GAS7: variants seen among roughly 807,000 people sequenced by gnomAD.
GAS7 encodes the protein growth arrest-specific protein 7.
A neutral mutation model predicts 71.1 loss-of-function variants in GAS7; 28 were observed. The observed-to-expected ratio is 0.39, with a 90% CI of 0.29 to 0.54. The LOEUF is 0.54. Among genes scored for constraint, GAS7 ranks in the 20% least tolerant of loss-of-function variants. The pLI, the probability that GAS7 is intolerant of heterozygous loss-of-function variation, is 0.62. For missense variants in GAS7, 436 were observed against 627.8 expected (o/e 0.69, Z 3.27); for synonymous variants, 258 against 245.8 (o/e 1.05, Z -0.46).
chr17:9,919,969 TTGTGTGTGTGTG>T lies in GAS7; in HGVS notation c.1139-276_1139-265del, dbSNP rs34994635. 0.034 allele frequency among the ~76,000 whole-genome samples: 4,423 copies of T among 131,478 alleles called. 234 individuals carry two copies. The highest frequency in any genetic ancestry group is 0.11 in the African/African-American group (3,931 of 34,338). 86.3% of individuals were successfully genotyped at this position (131,478 alleles called of 152,430 possible). On this transcript the variant is annotated intron_variant, in intron 11 of 13. Coordinates refer to ENST00000432992, the MANE Select transcript of GAS7 (RefSeq NM_201433.2). The surrounding 1 kb of genome is among the most constrained non-coding windows in gnomAD (Gnocchi z 5.0). ...AGGATTCAGGATGGTGGTTCTCATT[TTGTGTGTGTGTG>T]TGTGTGTGTGTGTGTGTGTGTGTGT...
chr17:10,126,246 G>A (rs2073945410), intron 1 of GAS7, among the ~76,000 whole-genome samples: 1 of 152,180 alleles, frequency 6.6e-6, no homozygotes, highest in Non-Finnish European at 1.5e-5. Flanking sequence ...ACTTCCTGGA[G>A]TTCTCAGGGA....
chr17:10,066,284 G>A (rs751721578), intron 1 of GAS7, among the ~76,000 whole-genome samples: 16 of 152,124 alleles, frequency 1.1e-4, no homozygotes, highest in Non-Finnish European at 2.2e-4. Context: ...GGGTTCAAGC[G>A]ATTCTCCTGC....
chr17:9,942,624 T>C (rs570939947), intron 7 of GAS7, among the ~76,000 whole-genome samples: 1 of 152,188 alleles, frequency 6.6e-6, no homozygotes, highest in South Asian at 2.1e-4. Flanking sequence ...TGGCTAACGA[T>C]GAATTGAACT....
At chr17:10,137,118 G>GT (rs2074044899) in intron 1 of GAS7, among the ~76,000 whole-genome samples, 1 of 57,742 alleles carries the variant, frequency 1.7e-5, no homozygotes, top group Admixed American at 1.4e-4. Context: ...AGCTTAAAAA[G>GT]AAAAAAAGAG....
intron 1 of GAS7, among the ~76,000 whole-genome samples, chr17:10,182,604 G>C (rs2074424812): frequency 2.6e-5 from 4 of 152,170 alleles, no homozygotes; most frequent in Admixed American, 2.0e-4. Context: ...ACATCACTAG[G>C]GGGATAAAAT....
chr17:9,992,556 C>G (rs1054937595), intron 2 of GAS7, among the ~76,000 whole-genome samples: 1 of 139,742 alleles, frequency 7.2e-6, no homozygotes, highest in African/African-American at 2.6e-5. Context: ...GCCTCCTTCC[C>G]AAAGTCTTTT....
At chr17:10,071,950 AAAAG>A (rs2073344385) in intron 1 of GAS7, among the ~76,000 whole-genome samples, 3 of 136,114 alleles carry the variant, frequency 2.2e-5, no homozygotes, top group African/African-American at 5.2e-5. Context: ...AAAAAAAAAA[AAAAG>A]AAAAGAAAAA....
At chr17:10,010,763 T>A (rs1244337024) in intron 2 of GAS7, among the ~76,000 whole-genome samples, 2 of 152,184 alleles carry the variant, frequency 1.3e-5, no homozygotes, top group Non-Finnish European at 2.9e-5. Context: ...GTGTTATACA[T>A]CTCTTGTAAT....
intron 1 of GAS7, among the ~76,000 whole-genome samples, chr17:10,154,322 G>A (rs76645771): frequency 2.0e-5 from 3 of 152,022 alleles, no homozygotes; most frequent in Admixed American, 2.0e-4. Flanking sequence ...AACATAGAGA[G>A]ACCTTGTCTC....
chr17:9,940,629 C>T (rs1370880742), intron 7 of GAS7, among the ~76,000 whole-genome samples: 3 of 152,178 alleles, frequency 2.0e-5, no homozygotes, highest in Non-Finnish European at 2.9e-5. Context: ...CAGGTGGCCT[C>T]GGACCCTCAG....
chr17:10,041,064 A>C (rs2152228051), intron 1 of GAS7, among the ~76,000 whole-genome samples: 1 of 151,532 alleles, frequency 6.6e-6, no homozygotes, highest in East Asian at 2.0e-4. Flanking sequence ...AGGGAGGCTG[A>C]GACAGGAGAA....
intron 2 of GAS7, among the ~76,000 whole-genome samples, chr17:9,996,145 T>C (rs1325421219): frequency 1.3e-5 from 2 of 152,190 alleles, no homozygotes; most frequent in Admixed American, 6.5e-5. Flanking sequence ...TGTGGCACTA[T>C]TCACAATAGC....
At chr17:9,980,070 T>C (rs1048795281) in intron 3 of GAS7, among the ~76,000 whole-genome samples, 1 of 149,194 alleles carries the variant, frequency 6.7e-6, no homozygotes, top group African/African-American at 2.6e-5. Context: ...TTTTTAAAAA[T>C]TTAATAATAT....
rs981621890 is a variant in GAS7 at position 10,051,780 on chromosome 17, G to A, written c.184-31883C>T. Among the ~76,000 whole-genome samples, 7 of 152,072 alleles carry A rather than the reference G, an allele frequency of 4.6e-5. No homozygotes were observed. In the East Asian group the frequency reaches 5.8e-4, roughly 13 times the overall value. On this transcript the variant is annotated intron_variant, in intron 1 of 13. Transcript: ENST00000432992. ...GGCAAGGGCACTCCAAGAAAATTTC[G>A]TACCCCAGATCGATCGCTCAAGCTC...
intron 1 of GAS7, among the ~76,000 whole-genome samples, chr17:10,115,199 A>G (rs991945627): frequency 6.6e-6 from 1 of 152,202 alleles, no homozygotes; most frequent in South Asian, 2.1e-4. Context: ...ATGGAGGAAA[A>G]CAGCTCTTCT....
chr17:10,006,667 G>A (rs1409850093), intron 2 of GAS7, among the ~76,000 whole-genome samples: 1 of 146,928 alleles, frequency 6.8e-6, no homozygotes, highest in African/African-American at 2.7e-5. Context: ...TAAGTTGAAA[G>A]CAGAGTGCAT....
chr17:10,049,844 A>T (rs1346626881), intron 1 of GAS7, among the ~76,000 whole-genome samples: 2 of 151,626 alleles, frequency 1.3e-5, no homozygotes, highest in Admixed American at 6.6e-5. Flanking sequence ...CTGGTCTGGA[A>T]CTCCCAACCT....
At chr17:9,952,881 C>T (rs947801427) in intron 5 of GAS7, among the ~76,000 whole-genome samples, 2 of 152,090 alleles carry the variant, frequency 1.3e-5, no homozygotes, top group Non-Finnish European at 2.9e-5. Flanking sequence ...AAAGGGAACA[C>T]TTATACACAG....
intron 2 of GAS7, among the ~76,000 whole-genome samples, chr17:10,010,090 C>T (rs765604555): frequency 1.3e-5 from 2 of 152,062 alleles, no homozygotes; most frequent in African/African-American, 4.8e-5. Context: ...GGATCAAGTC[C>T]CTTTACCATG....
Sources: allele counts gnomAD v4.1 joint callset (sites outside exome capture counted in the v4.1 genomes callset), GRCh38; gene constraint gnomAD v4.1.1; non-coding constraint Gnocchi (gnomAD v3.1); transcripts MANE v1.5; gene names NCBI Gene and HGNC (gene_info 2026-07-23, HGNC 2026-07-21).